The following IKBIP variants were observed in gnomAD, a reference collection of about 807,000 sequenced individuals.
The protein encoded by IKBIP is IKBKB interacting protein.
Under a neutral mutation model 31.0 loss-of-function variants are expected in IKBIP, and 28 were observed. The observed-to-expected ratio is 0.90, with a 90% CI of 0.67 to 1.24. The LOEUF is 1.24. Ranked by LOEUF, IKBIP falls within the 50% of genes most tolerant of loss-of-function variation. IKBIP has a pLI of 0.00. For synonymous variants in IKBIP, 164 were observed against 160.3 expected (o/e 1.02, Z -0.17); for missense variants, 453 against 441.9 (o/e 1.03, Z -0.23).
intron 1 of IKBIP, among the ~76,000 whole-genome samples, chr12:98,642,622 AAGG>A (rs2153301350): frequency 9.2e-6 from 1 of 109,284 alleles, no homozygotes; most frequent in South Asian, 3.1e-4. Context: ...TTTTTTTGAG[AAGG>A]AGTTTTGCTC....
At chr12:98,623,469 T>TAA (rs2097611643), downstream of IKBIP, among the ~76,000 whole-genome samples, 1 of 150,090 alleles carries the variant, frequency 6.7e-6, no homozygotes, top group Non-Finnish European at 1.5e-5. Context: ...GGTCTTGAAC[T>TAA]CCTGAGCTCA....
chr12:98,618,605 G>A (rs979431974), intron 2 of IKBIP, among the ~76,000 whole-genome samples: 4 of 146,816 alleles, frequency 2.7e-5, no homozygotes, highest in Non-Finnish European at 4.5e-5. Context: ...CAGCCTGGGC[G>A]ACAGAGCCAG....
intron 2 of IKBIP, among the ~76,000 whole-genome samples, chr12:98,630,243 G>A (rs994815944): frequency 4.6e-5 from 7 of 151,628 alleles, no homozygotes; most frequent in Admixed American, 3.3e-4. Flanking sequence ...AAATTAGCCG[G>A]GTATGTTGGC....
At chr12:98,616,322 G>C (rs1255204182) in intron 2 of IKBIP, among the ~76,000 whole-genome samples, 1 of 151,582 alleles carries the variant, frequency 6.6e-6, no homozygotes, top group Non-Finnish European at 1.5e-5. Context: ...CATGTCCATA[G>C]CCCATTGTTT....
At chr12:98,618,597 G>A (rs1049640238) in intron 2 of IKBIP, among the ~76,000 whole-genome samples, 1 of 149,900 alleles carries the variant, frequency 6.7e-6, no homozygotes, top group Non-Finnish European at 1.5e-5. Context: ...CTGCACTCCA[G>A]CCTGGGCGAC....
chr12:98,622,904 CAA>C (rs1592990339), downstream of IKBIP, among the ~76,000 whole-genome samples: 1 of 144,312 alleles, frequency 6.9e-6, no homozygotes. Flanking sequence ...ATTATATATT[CAA>C]AAGTTTAAAA....
chr12:98,628,850 T>C (rs1481022640), intron 2 of IKBIP, among the ~76,000 whole-genome samples: 1 of 152,118 alleles, frequency 6.6e-6, no homozygotes, highest in African/African-American at 2.4e-5. Context: ...ATGCAGTGTA[T>C]GCTCTAAAGA....
chr12:98,621,877 A>G (rs770391856), downstream of IKBIP, among the ~76,000 whole-genome samples: 3 of 152,050 alleles, frequency 2.0e-5, no homozygotes, highest in African/African-American at 4.8e-5. Context: ...AGAGATCGAG[A>G]CCATCCTGGC....
Position 98,613,983 on chromosome 12 carries a change from AAAG to A in IKBIP, c.652_654del (p.Leu218del), listed in dbSNP as rs1220419460. On this transcript the variant is annotated inframe_deletion, in exon 3 of 3. Transcript: ENST00000342502. ...GTTGCTGTTCGATCAATACTGCTTG[AAAG>A]AAGATCACCTATATTTTTTACTGTA... 6 of 1,611,500 alleles carry A rather than the reference AAAG, an allele frequency of 3.7e-6. No homozygotes were observed. The African/African-American group carries it at 4.0e-5, about 11-fold the overall frequency.
chr12:98,628,359 C>CT (rs1565840928), intron 2 of IKBIP, among the ~76,000 whole-genome samples: 1 of 152,232 alleles, frequency 6.6e-6, no homozygotes, highest in Admixed American at 6.5e-5. Context: ...TACTACTAGA[C>CT]TAAGCTTTTA....
At chr12:98,624,148 T>C (rs2097612191), downstream of IKBIP, 1 of 341,440 alleles carries the variant, frequency 2.9e-6, no homozygotes, top group African/African-American at 2.7e-5. Flanking sequence ...TCATATTAAA[T>C]GTGGTGATCG....
intron 2 of IKBIP, among the ~76,000 whole-genome samples, chr12:98,627,818 T>C (rs2097616289): frequency 6.6e-6 from 1 of 152,230 alleles, no homozygotes; most frequent in African/African-American, 2.4e-5. Context: ...TAAAATCCTA[T>C]AATTCTGGAA....
intron 2 of IKBIP, among the ~76,000 whole-genome samples, chr12:98,632,040 G>C (rs1233247200): frequency 1.3e-5 from 2 of 151,668 alleles, no homozygotes; most frequent in Non-Finnish European, 2.9e-5. Context: ...ATTTTTAGTA[G>C]AGATGGGGTT....
intron 1 of IKBIP, among the ~76,000 whole-genome samples, chr12:98,635,296 G>A (rs570967326): frequency 3.2e-4 from 49 of 152,146 alleles, no homozygotes; most frequent in Middle Eastern, 6.8e-3. Flanking sequence ...GAGCCACTGT[G>A]CCCAGCCCCA....
intron 1 of IKBIP, 112 bp from the exon 2 acceptor site, chr12:98,634,525 T>G (rs1271921162): frequency 3.6e-6 from 2 of 560,796 alleles, no homozygotes; most frequent in Admixed American, 3.5e-5. Context: ...CTGGTATGGG[T>G]AGCTGTAGGT....
downstream of IKBIP, among the ~76,000 whole-genome samples, chr12:98,621,409 T>C (rs1393192561): frequency 6.6e-6 from 1 of 152,246 alleles, no homozygotes; most frequent in Non-Finnish European, 1.5e-5. Context: ...TTCCTTCTCA[T>C]GCTCAAGGGC....
intron 1 of IKBIP, among the ~76,000 whole-genome samples, chr12:98,640,906 C>T (rs188334525): frequency 1.8e-4 from 27 of 152,206 alleles, no homozygotes; most frequent in Admixed American, 1.2e-3. Flanking sequence ...GGACTACAGG[C>T]ATGCGCCACC....
intron 1 of IKBIP, among the ~76,000 whole-genome samples, chr12:98,637,195 C>A (rs943189615): frequency 2.0e-5 from 3 of 151,282 alleles, no homozygotes; most frequent in Non-Finnish European, 4.4e-5. Flanking sequence ...TAGCCTCTTA[C>A]TAAAATAAAA....
At chr12:98,638,456 T>C (rs2097627766) in intron 1 of IKBIP, among the ~76,000 whole-genome samples, 1 of 152,112 alleles carries the variant, frequency 6.6e-6, no homozygotes, top group Non-Finnish European at 1.5e-5. Context: ...TAATTTTTTA[T>C]AGAGATGGGG....
Sources: gnomAD v4.1 joint callset for allele counts (sites outside exome capture counted in the v4.1 genomes callset) on GRCh38, gnomAD v4.1.1 for gene constraint, MANE v1.5 for transcripts, NCBI Gene and HGNC (gene_info 2026-07-23, HGNC 2026-07-21) for gene names.